The following EBF1 variants were observed in gnomAD, a reference collection of about 807,000 sequenced individuals.
EBF1 encodes EBF transcription factor 1, also known as transcription factor COE1.
In EBF1, 10 loss-of-function variants were observed where a neutral mutation model predicts 68.4. The observed-to-expected ratio is 0.15, with a 90% confidence interval of 0.09 to 0.25. The LOEUF is 0.25. Among genes scored for constraint, EBF1 ranks in the 10% least tolerant of loss-of-function variants. EBF1 has a pLI of 1.00. For synonymous variants in EBF1, 298 were observed against 299.8 expected, an observed-to-expected ratio of 0.99 and a Z score of 0.06; for missense variants, 509 against 794.4, an observed-to-expected ratio of 0.64 and a Z score of 4.32.
intron 15 of EBF1, among the ~76,000 whole-genome samples, chr5:158,700,005 T>C (rs73816036): frequency 0.15 from 22,259 of 152,208 alleles, 1,708 homozygotes; most frequent in Admixed American, 0.16. Context: ...TCAGCTTCTG[T>C]AGCTAGAATC....
intron 8 of EBF1, among the ~76,000 whole-genome samples, chr5:158,800,680 C>T (rs576631189): frequency 3.0e-4 from 45 of 152,266 alleles, no homozygotes; most frequent in Admixed American, 1.6e-3. Context: ...GCTCAGACAA[C>T]ATGCAAAGCA....
intron 11 of EBF1, among the ~76,000 whole-genome samples, chr5:158,721,084 A>G (rs1426825454): frequency 6.6e-6 from 1 of 152,216 alleles, no homozygotes; most frequent in Non-Finnish European, 1.5e-5. Flanking sequence ...TATTAATACC[A>G]AAGGCCAAGG....
At chr5:158,948,656 A>G (rs1485437818) in intron 6 of EBF1, among the ~76,000 whole-genome samples, 1 of 152,184 alleles carries the variant, frequency 6.6e-6, no homozygotes, top group Non-Finnish European at 1.5e-5. Flanking sequence ...GCCTGAGAAG[A>G]GGCCGGTCTG....
At chr5:158,754,228 AAGAG>A (rs1769553658) in intron 10 of EBF1, among the ~76,000 whole-genome samples, 1 of 152,100 alleles carries the variant, frequency 6.6e-6, no homozygotes, top group East Asian at 1.9e-4. Flanking sequence ...CACAATTAAC[AAGAG>A]ATGATTTACT....
chr5:158,869,160 C>T (rs77674781), intron 6 of EBF1, among the ~76,000 whole-genome samples: 4 of 152,024 alleles, frequency 2.6e-5, no homozygotes, highest in Admixed American at 6.6e-5. Context: ...GAACTCTGGC[C>T]GCCGTATGGA....
Position 158,773,740 on chromosome 5 carries a change from G to A in EBF1, c.1036+3673C>T, listed in dbSNP as rs536403282. 5.9e-5 allele frequency among the ~76,000 whole-genome samples: 9 copies of A among 152,288 alleles called. No homozygotes were observed. The South Asian group carries it at 8.3e-4, about 14-fold the overall frequency. The stretch of plus-strand genomic sequence containing the variant: ...AAACTTTGAGGAAGCAGCTAAAGGT[G>A]CCTAAGAGTCTTTTATTAGCTTCCA... On this transcript the variant is annotated intron_variant, in intron 10 of 15. Coordinates refer to ENST00000313708, the MANE Select transcript of EBF1 (RefSeq NM_024007.5).
In EBF1 at chr5:158,970,057, G is replaced by T. The variant is rs79438589; in HGVS notation, c.554+103339C>A. 9.1e-3 allele frequency among the ~76,000 whole-genome samples: 1,390 copies of T among 152,252 alleles called. 8 individuals carry two copies. Among genetic ancestry groups the T allele is most frequent in the Non-Finnish European group, 0.014 (949 of 68,016 alleles). On this transcript the variant is annotated intron_variant, in intron 6 of 15. Transcript: ENST00000313708. ...AAACCTAACCCGTACTACAGCCAGGGATCAGATTTTTTAATATCACCTAAC... is the reference window on the plus strand; with the variant it reads ...AAACCTAACCCGTACTACAGCCAGGTATCAGATTTTTTAATATCACCTAAC...
chr5:158,994,605 G>C (rs768372898), intron 6 of EBF1, among the ~76,000 whole-genome samples: 13 of 152,252 alleles, frequency 8.5e-5, no homozygotes, highest in Non-Finnish European at 1.6e-4. Context: ...ATTTTGCCTG[G>C]CTTTAACACT....
At chr5:158,732,407 AC>A (rs1764286186) in intron 10 of EBF1, among the ~76,000 whole-genome samples, 1 of 152,196 alleles carries the variant, frequency 6.6e-6, no homozygotes, top group South Asian at 2.1e-4. Flanking sequence ...TTTTCAAAAT[AC>A]AGGTATGATA....
At chr5:158,872,354 G>A (rs1417893703) in intron 6 of EBF1, among the ~76,000 whole-genome samples, 1 of 152,096 alleles carries the variant, frequency 6.6e-6, no homozygotes, top group East Asian at 1.9e-4. Flanking sequence ...GCACCACTAT[G>A]CCCAGCTAAT....
At chr5:159,079,364 G>C (rs1779340145) in intron 5 of EBF1, among the ~76,000 whole-genome samples, 2 of 151,990 alleles carry the variant, frequency 1.3e-5, no homozygotes, top group South Asian at 4.2e-4. Flanking sequence ...ATTTTAAAAG[G>C]ATGCTCCTTC....
At chr5:158,791,836 C>A (rs1047883882) in intron 9 of EBF1, among the ~76,000 whole-genome samples, 3 of 152,108 alleles carry the variant, frequency 2.0e-5, no homozygotes, top group African/African-American at 7.2e-5. Context: ...TGCATGGAAG[C>A]AAGTTGTCTT....
chr5:158,823,121 C>T, intron 8 of EBF1, 55 bp downstream of exon 8: 2 of 1,611,840 alleles, frequency 1.2e-6, no homozygotes, highest in Non-Finnish European at 1.7e-6. Flanking sequence ...AGAAAGAAAC[C>T]AAATATATTC....
intron 6 of EBF1, among the ~76,000 whole-genome samples, chr5:158,895,963 G>A (rs1423755488): frequency 2.6e-5 from 4 of 152,076 alleles, no homozygotes; most frequent in African/African-American, 9.7e-5. Context: ...GAAGAGGAGT[G>A]GTTAAAAGAT....
intron 6 of EBF1, among the ~76,000 whole-genome samples, chr5:158,874,844 AC>A: frequency 6.6e-6 from 1 of 152,202 alleles, no homozygotes; most frequent in East Asian, 1.9e-4. Flanking sequence ...ATGCAAAGTA[AC>A]AGGCCTCAGA....
At chr5:158,841,934 T>C (rs572540859) in intron 6 of EBF1, among the ~76,000 whole-genome samples, 1 of 152,354 alleles carries the variant, frequency 6.6e-6, no homozygotes, top group East Asian at 1.9e-4. Context: ...AGCAGGCCTC[T>C]AAATAATCAC....
At chr5:158,907,830 T>G (rs958469053) in intron 6 of EBF1, among the ~76,000 whole-genome samples, 1 of 151,970 alleles carries the variant, frequency 6.6e-6, no homozygotes, top group Non-Finnish European at 1.5e-5. Flanking sequence ...ATTAGTGTTC[T>G]CTCTTTTGTT....
chr5:158,936,164 G>C (rs1359776118), intron 6 of EBF1, among the ~76,000 whole-genome samples: 1 of 152,178 alleles, frequency 6.6e-6, no homozygotes, highest in Non-Finnish European at 1.5e-5. Flanking sequence ...GCCAAGACCA[G>C]CAAAGGGGAG....
At chr5:158,714,245 T>A in intron 11 of EBF1, 63 bp from the exon 12 acceptor site, 1 of 1,580,188 alleles carries the variant, frequency 6.3e-7, no homozygotes, top group Non-Finnish European at 8.7e-7. Flanking sequence ...TCTTTTGACA[T>A]GATCACATTC....
Sources: allele counts gnomAD v4.1 joint callset (sites outside exome capture counted in the v4.1 genomes callset), GRCh38; gene constraint gnomAD v4.1.1; transcripts MANE v1.5; gene names NCBI Gene and HGNC (gene_info 2026-07-23, HGNC 2026-07-21).